CYP4X1: variants seen among roughly 807,000 people sequenced by gnomAD.
CYP4X1 encodes the protein cytochrome P450 4X1.
CYP4X1 carries 44 observed loss-of-function variants against 57.9 expected under a neutral mutation model. That is an observed-to-expected ratio of 0.76 (90% CI 0.60 to 0.98). CYP4X1 has a LOEUF of 0.98. Among genes scored for constraint, CYP4X1 ranks in the 50% least tolerant of loss-of-function variants. CYP4X1 has a pLI of 0.00. For synonymous variants in CYP4X1, 227 were observed against 228.6 expected (o/e 0.99, Z 0.06); for missense variants, 532 against 623.9 (o/e 0.85, Z 1.57).
the CYP4X1 span, among the ~76,000 whole-genome samples, chr1:46,962,735 G>A: frequency 6.6e-6 from 1 of 152,162 alleles, no homozygotes; most frequent in East Asian, 1.9e-4. Flanking sequence ...CTGTTGATTT[G>A]GGGTGGAGAG....
the CYP4X1 span, among the ~76,000 whole-genome samples, chr1:47,016,208 C>T: frequency 2.6e-5 from 4 of 151,592 alleles, no homozygotes; most frequent in East Asian, 7.7e-4. Context: ...CAAAGACGGG[C>T]TCCAGGCAGA....
At chr1:47,008,053 G>A in the CYP4X1 span, among the ~76,000 whole-genome samples, 4 of 152,088 alleles carry the variant, frequency 2.6e-5, no homozygotes, top group African/African-American at 7.2e-5. Flanking sequence ...CCAACATTCA[G>A]ATTCAGGAAA....
At chr1:46,963,435 G>T in the CYP4X1 span, among the ~76,000 whole-genome samples, 89,341 of 148,234 alleles carry the variant, frequency 0.6, 28,381 homozygotes, top group Non-Finnish European at 0.72. Flanking sequence ...AGGAGCTCTT[G>T]TAAGGCAGGC....
At chr1:46,975,754 T>G in the CYP4X1 span, among the ~76,000 whole-genome samples, 1 of 152,196 alleles carries the variant, frequency 6.6e-6, no homozygotes, top group African/African-American at 2.4e-5. Flanking sequence ...TATTCTCAAA[T>G]AAGTTTTCCA....
At chr1:47,053,705 A>C (rs1644373651), downstream of CYP4X1, among the ~76,000 whole-genome samples, 1 of 152,196 alleles carries the variant, frequency 6.6e-6, no homozygotes, top group African/African-American at 2.4e-5. Context: ...TTTTGGCTGC[A>C]TAAATGTCCT....
chr1:47,046,487 C>A lies in CYP4X1; in HGVS notation c.1094C>A (p.Ser365Ter). ...SITWDQLGEMSYTTMCIKETC... is the reference protein window; with the variant it reads ...SITWDQLGEM Reference sequence around the variant, plus strand: ...CACAGGGACCAGCTGGGTGAGATGTCGTACACCACAATGTGCATCAAGGAG... The same window carrying A: ...CACAGGGACCAGCTGGGTGAGATGTAGTACACCACAATGTGCATCAAGGAG... Residue 365 changes from serine (S) to a stop codon, truncating the protein, a stop_gained, in exon 9 of 12, where the codon TCG (serine) becomes TAG (stop). Coordinates refer to ENST00000371901, the MANE Select transcript of CYP4X1 (RefSeq NM_178033.2). LOFTEE classifies it high-confidence loss of function. 1 of 1,614,136 alleles carries A rather than the reference C, an allele frequency of 6.2e-7. No homozygotes were observed. The highest frequency in any genetic ancestry group is 8.5e-7 in the Non-Finnish European group (1 of 1,180,024).
intron 8 of CYP4X1, among the ~76,000 whole-genome samples, chr1:47,040,183 T>C (rs912497397): frequency 1.4e-4 from 22 of 152,128 alleles, no homozygotes; most frequent in African/African-American, 4.1e-4. Context: ...GATAGAGATA[T>C]GTGCTGGCTA....
chr1:47,017,274 T>C, the CYP4X1 span, among the ~76,000 whole-genome samples: 1 of 152,160 alleles, frequency 6.6e-6, no homozygotes, highest in Admixed American at 6.5e-5. Flanking sequence ...TTGAGGAATC[T>C]CCAAACCATT....
the CYP4X1 span, among the ~76,000 whole-genome samples, chr1:47,013,989 G>A: frequency 6.6e-6 from 1 of 151,892 alleles, no homozygotes; most frequent in Non-Finnish European, 1.5e-5. Flanking sequence ...TGGCCAGGCT[G>A]GTCTCAAACT....
chr1:47,004,954 A>G, the CYP4X1 span, among the ~76,000 whole-genome samples: 1 of 152,186 alleles, frequency 6.6e-6, no homozygotes, highest in Non-Finnish European at 1.5e-5. Context: ...GGAAGCCACA[A>G]ATTATAAGGT....
the CYP4X1 span, among the ~76,000 whole-genome samples, chr1:46,970,663 A>G: frequency 2.0e-5 from 3 of 152,254 alleles, no homozygotes; most frequent in Admixed American, 6.5e-5. Context: ...TGTGCTGTGC[A>G]GGAATTCTGG....
At chr1:46,987,793 A>C in the CYP4X1 span, among the ~76,000 whole-genome samples, 138 of 152,334 alleles carry the variant, frequency 9.1e-4, no homozygotes, top group African/African-American at 3.0e-3. Flanking sequence ...TACTGGGTAC[A>C]TAACAAAATT....
At chr1:47,033,963 G>A in intron 4 of CYP4X1, among the ~76,000 whole-genome samples, 1 of 152,224 alleles carries the variant, frequency 6.6e-6, no homozygotes, top group East Asian at 1.9e-4. Context: ...AGATAAACTG[G>A]AAATCTCAGA....
the CYP4X1 span, chr1:47,003,270 T>C: frequency 6.6e-6 from 1 of 152,190 alleles, no homozygotes. Flanking sequence ...CAGCAGAAGT[T>C]AGAAATTTGG....
chr1:47,010,093 G>GC, the CYP4X1 span, among the ~76,000 whole-genome samples: 837 of 152,210 alleles, frequency 5.5e-3, 7 homozygotes, highest in African/African-American at 0.019. Context: ...CCAAAGCCTG[G>GC]CAGAGACACA....
chr1:46,989,315 TA>T, the CYP4X1 span, among the ~76,000 whole-genome samples: 1 of 151,838 alleles, frequency 6.6e-6, no homozygotes, highest in Non-Finnish European at 1.5e-5. Flanking sequence ...ACAGAGAGAA[TA>T]AAATACCTAG....
At chr1:47,027,061 A>G (rs541113192) in intron 1 of CYP4X1, among the ~76,000 whole-genome samples, 1 of 152,268 alleles carries the variant, frequency 6.6e-6, no homozygotes, top group Non-Finnish European at 1.5e-5. Context: ...CAAAGTATAC[A>G]TCTTGCATTT....
intron 9 of CYP4X1, among the ~76,000 whole-genome samples, chr1:47,048,301 A>G (rs566108807): frequency 6.6e-6 from 1 of 152,344 alleles, no homozygotes; most frequent in African/African-American, 2.4e-5. Flanking sequence ...AGCAGAAAAT[A>G]TAAGCATGGT....
chr1:47,007,232 C>A, the CYP4X1 span, among the ~76,000 whole-genome samples: 3 of 152,172 alleles, frequency 2.0e-5, no homozygotes, highest in Non-Finnish European at 4.4e-5. Context: ...GACAAAATTT[C>A]CAGGCAAACG....
Sources: gnomAD v4.1 joint callset for allele counts (sites outside exome capture counted in the v4.1 genomes callset) on GRCh38, gnomAD v4.1.1 for gene constraint, MANE v1.5 for transcripts, NCBI Gene and HGNC (gene_info 2026-07-23, HGNC 2026-07-21) for gene names.